Variants in TCERG1L observed in about 807,000 individuals in gnomAD.
TCERG1L encodes transcription elongation regulator 1 like.
Under a neutral mutation model 56.3 loss-of-function variants are expected in TCERG1L, and 37 were observed. That is an observed-to-expected ratio of 0.66 (90% CI 0.51 to 0.87). The LOEUF is 0.87. Ranked by LOEUF, TCERG1L falls within the 40% of genes least tolerant of loss-of-function variation. TCERG1L has a pLI of 0.00. For missense variants in TCERG1L, 799 were observed against 774.2 expected (o/e 1.03, Z -0.38); for synonymous variants, 324 against 326.3 (o/e 0.99, Z 0.08).
chr10:131,148,515 A>C (rs10829920), intron 6 of TCERG1L, among the ~76,000 whole-genome samples: 29,835 of 150,018 alleles, frequency 0.2, 3,295 homozygotes, highest in East Asian at 0.34. Context: ...AAGGGACACA[A>C]ATGCACACAT....
Position 131,116,896 on chromosome 10 carries a change from T to C in TCERG1L, c.1298A>G (p.Lys433Arg), listed in dbSNP as rs1187704443. The C allele has an allele frequency of 6.2e-7, 1 of 1,605,658 alleles. No individual in the cohort carries two copies. The highest frequency in any genetic ancestry group is 1.1e-5 in the South Asian group (1 of 88,988). ...GCGSPKPEEA[K>R]REDKGTRTPP... ...CGTCCTTGTGCCTTTGTCCTCTCTC[T>C]TTGCCTCCTCTGGCTTGGGACTCCC... Residue 433 changes from lysine to arginine, a missense_variant, in exon 9 of 12, where the codon AAG becomes AGG. Transcript: ENST00000368642.
chr10:131,093,136 C>A lies in TCERG1L; in HGVS notation c.*26G>T. On this transcript the variant is annotated 3_prime_UTR_variant, in exon 12 of 12. Coordinates refer to ENST00000368642, the MANE Select transcript of TCERG1L (RefSeq NM_174937.4). ...CCCCGGCACGCCCAGGGTCAACCCC[C>A]GGGCTTATTGCATTTTTTCACAAAC... The A allele has an allele frequency of 6.2e-7, 1 of 1,610,116 alleles. No individual in the cohort carries two copies. The highest frequency in any genetic ancestry group is 8.5e-7 in the Non-Finnish European group (1 of 1,177,958).
At chr10:131,224,774 T>A (rs879681359) in intron 4 of TCERG1L, among the ~76,000 whole-genome samples, 1 of 136,598 alleles carries the variant, frequency 7.3e-6, no homozygotes, top group Non-Finnish European at 1.5e-5. Flanking sequence ...CTCTCCCAGA[T>A]AAAACATGTG....
intron 7 of TCERG1L, among the ~76,000 whole-genome samples, chr10:131,143,736 G>A (rs1028704937): frequency 2.6e-5 from 4 of 152,140 alleles, no homozygotes; most frequent in Admixed American, 2.0e-4. Context: ...TAAGATCCCC[G>A]AGAACCGCAT....
chr10:131,294,888 T>C (rs1034849281), intron 3 of TCERG1L, among the ~76,000 whole-genome samples: 1 of 152,058 alleles, frequency 6.6e-6, no homozygotes, highest in African/African-American at 2.4e-5. Flanking sequence ...TTGTGTACAG[T>C]CCTCTGCTTT....
At chr10:131,129,324 A>C (rs1371696894) in intron 8 of TCERG1L, among the ~76,000 whole-genome samples, 1 of 152,254 alleles carries the variant, frequency 6.6e-6, no homozygotes, top group Non-Finnish European at 1.5e-5. Context: ...TATATTTTAA[A>C]ATTCCTTATA....
At chr10:131,124,444 T>C (rs1351922649) in intron 8 of TCERG1L, among the ~76,000 whole-genome samples, 2 of 152,034 alleles carry the variant, frequency 1.3e-5, no homozygotes, top group African/African-American at 4.8e-5. Context: ...TTGTCCAGCA[T>C]GGAATTATTG....
At chr10:131,303,075 C>T (rs1010347619) in intron 3 of TCERG1L, among the ~76,000 whole-genome samples, 1 of 151,986 alleles carries the variant, frequency 6.6e-6, no homozygotes, top group African/African-American at 2.4e-5. Context: ...ATGAACAGTG[C>T]TGCAGTAAAC....
intron 4 of TCERG1L, among the ~76,000 whole-genome samples, chr10:131,195,379 C>T (rs569154573): frequency 2.1e-4 from 32 of 152,218 alleles, no homozygotes; most frequent in African/African-American, 6.7e-4. Flanking sequence ...CTGAGAGGCT[C>T]GGGGCCCTGC....
At chr10:131,096,118 C>T (rs184547043) in intron 11 of TCERG1L, among the ~76,000 whole-genome samples, 1 of 152,352 alleles carries the variant, frequency 6.6e-6, no homozygotes, top group African/African-American at 2.4e-5. Flanking sequence ...CTCCTCGTCA[C>T]TTTCTGAGGT....
At chr10:131,194,769 G>A (rs1289598135) in intron 4 of TCERG1L, among the ~76,000 whole-genome samples, 1 of 152,116 alleles carries the variant, frequency 6.6e-6, no homozygotes, top group Non-Finnish European at 1.5e-5. Context: ...AGCATCAGCC[G>A]AATAATCCAT....
intron 3 of TCERG1L, among the ~76,000 whole-genome samples, chr10:131,297,617 T>C (rs1383419016): frequency 6.6e-6 from 1 of 152,198 alleles, no homozygotes; most frequent in Non-Finnish European, 1.5e-5. Flanking sequence ...TTATTTCATT[T>C]TATTTTCTGA....
intron 4 of TCERG1L, among the ~76,000 whole-genome samples, chr10:131,239,358 A>G (rs1229238736): frequency 1.3e-5 from 2 of 152,260 alleles, no homozygotes; most frequent in Non-Finnish European, 2.9e-5. Context: ...CACGAATAAG[A>G]ATGAGAATGA....
At chr10:131,164,502 C>T (rs1222046146) in intron 5 of TCERG1L, among the ~76,000 whole-genome samples, 1 of 152,170 alleles carries the variant, frequency 6.6e-6, no homozygotes, top group Non-Finnish European at 1.5e-5. Context: ...TGGAAGGCTA[C>T]AAGGAAGAAA....
In TCERG1L at chr10:131,092,528, C is replaced by A. The variant is rs1413285702; in HGVS notation, c.*634G>T. The A allele has an allele frequency of 6.6e-6, 1 of 152,544 alleles. No homozygotes were observed. Among genetic ancestry groups the A allele is most frequent in the African/African-American group, 2.4e-5 (1 of 41,412 alleles). 9.4% of individuals were successfully genotyped at this position (152,544 alleles called of 1,614,324 possible). ...TATGATGATTTTGTACAAAATAATT[C>A]TTTTGAAGTAGGACCGGTGGCAACC... On this transcript the variant is annotated 3_prime_UTR_variant, in exon 12 of 12. Coordinates refer to ENST00000368642, the MANE Select transcript of TCERG1L (RefSeq NM_174937.4).
intron 7 of TCERG1L, among the ~76,000 whole-genome samples, chr10:131,144,968 C>A (rs533748834): frequency 1.3e-5 from 2 of 152,162 alleles, no homozygotes; most frequent in Non-Finnish European, 2.9e-5. Context: ...TCAGACCTGA[C>A]CTGATTTGGT....
chr10:131,188,603 T>C (rs567901459), intron 4 of TCERG1L, among the ~76,000 whole-genome samples: 1 of 152,350 alleles, frequency 6.6e-6, no homozygotes, highest in East Asian at 1.9e-4. Context: ...AGGACAATTA[T>C]TATGGAAAAT....
intron 4 of TCERG1L, among the ~76,000 whole-genome samples, chr10:131,195,763 C>T (rs140647891): frequency 2.0e-5 from 3 of 152,338 alleles, no homozygotes; most frequent in Non-Finnish European, 4.4e-5. Flanking sequence ...GACGCCCCTG[C>T]CATGGCCGGC....
intron 10 of TCERG1L, among the ~76,000 whole-genome samples, chr10:131,098,930 T>C (rs1383635013): frequency 6.6e-6 from 1 of 152,188 alleles, no homozygotes. Context: ...AAAAATGACC[T>C]TAACTTGTGG....
Sources: allele counts gnomAD v4.1 joint callset (sites outside exome capture counted in the v4.1 genomes callset), GRCh38; gene constraint gnomAD v4.1.1; transcripts MANE v1.5; gene names NCBI Gene and HGNC (gene_info 2026-07-23, HGNC 2026-07-21).